PLCD4: variants seen among roughly 807,000 people sequenced by gnomAD.
PLCD4 encodes the protein 1-phosphatidylinositol 4,5-bisphosphate phosphodiesterase delta-4.
Under a neutral mutation model 90.2 loss-of-function variants are expected in PLCD4, and 63 were observed. The ratio of observed to expected loss-of-function variants is 0.70; its 90% CI spans 0.57 to 0.86. The LOEUF is 0.86. PLCD4 is among the 40% of genes least tolerant of loss of function. The probability of loss-of-function intolerance (pLI) is 0.00; values close to 1 mark genes in which losing one functional copy is unlikely to be tolerated. For synonymous variants in PLCD4, 294 were observed against 356.5 expected (o/e 0.82, Z 1.97); for missense variants, 830 against 956.3 (o/e 0.87, Z 1.74).
In PLCD4 at chr2:218,635,860, T is replaced by C; in HGVS notation, c.1961T>C (p.Leu654Pro). Reference sequence around the variant, plus strand: ...AAAGAGGGGTCCATTGTGGATCCACTGGTGAAAGTGCAGATCTTTGGCGTT... The same window carrying C: ...AAAGAGGGGTCCATTGTGGATCCACCGGTGAAAGTGCAGATCTTTGGCGTT... The part of the protein sequence containing the change: ...KTKEGSIVDP[L>P]VKVQIFGVRL... Residue 654 changes from leucine (L) to proline (P), a missense_variant, in exon 14 of 16, where the codon CTG becomes CCG. Transcript: ENST00000450993. The C allele has an allele frequency of 6.2e-7, 1 of 1,613,956 alleles. No homozygotes were observed. Among genetic ancestry groups the C allele is most frequent in the Non-Finnish European group, 8.5e-7 (1 of 1,179,878 alleles).
intron 1 of PLCD4, among the ~76,000 whole-genome samples, chr2:218,612,589 C>T (rs1040957422): frequency 4.6e-5 from 7 of 151,876 alleles, no homozygotes; most frequent in Admixed American, 1.3e-4. Context: ...CTGGCCAACA[C>T]GGCAAAACTC....
chr2:218,626,129 C>T (rs1696105478), intron 6 of PLCD4, among the ~76,000 whole-genome samples: 1 of 151,984 alleles, frequency 6.6e-6, no homozygotes, highest in Admixed American at 6.6e-5. Flanking sequence ...CTTGGTGGCA[C>T]ATTCCTGTAG....
intron 9 of PLCD4, 29 bp from the exon 10 acceptor site, chr2:218,632,107 A>G: frequency 6.3e-7 from 1 of 1,575,802 alleles, no homozygotes; most frequent in South Asian, 1.2e-5. Flanking sequence ...GCAGACAGGT[A>G]GACAGGCCCC....
At position 218,634,328 on chromosome 2, in the gene PLCD4, T is replaced by G; in HGVS notation, c.1723+107T>G. The G allele has an allele frequency of 6.4e-7, 1 of 1,572,092 alleles. No homozygotes were observed. Among genetic ancestry groups the G allele is most frequent in the East Asian group, 2.3e-5 (1 of 43,798 alleles). ...GGAATGCTCAAGAAAATTGCTAGGC[T>G]GAGAAATGCTATCAGTGGATATTAC... On this transcript the variant is annotated intron_variant, in intron 12 of 15. Coordinates refer to ENST00000450993, the MANE Select transcript of PLCD4 (RefSeq NM_032726.4). This position sits in a 1 kb window ranked among gnomAD's most constrained non-coding sequence, Gnocchi z 4.0.
intron 4 of PLCD4, among the ~76,000 whole-genome samples, chr2:218,620,724 A>G (rs1695834182): frequency 6.7e-6 from 1 of 149,410 alleles, no homozygotes; most frequent in South Asian, 2.1e-4. Context: ...TAAAACAAAC[A>G]TACAAATGAA....
rs758156561 is a variant in PLCD4, at chr2:218,634,065, T to G, written c.1607-40T>G. The G allele has an allele frequency of 1.3e-6, 2 of 1,566,642 alleles. No homozygotes were observed. The highest frequency in any genetic ancestry group is 1.7e-6 in the Non-Finnish European group (2 of 1,155,050). Reference sequence around the variant, plus strand: ...CCTTGGGACTAGGGAAGTGGGAGATTCCACCCCACTTCCATCTCCCTCTCT... The same window carrying G: ...CCTTGGGACTAGGGAAGTGGGAGATGCCACCCCACTTCCATCTCCCTCTCT... On this transcript the variant is annotated intron_variant, in intron 11 of 15. Coordinates refer to ENST00000450993, the MANE Select transcript of PLCD4 (RefSeq NM_032726.4). The surrounding 1 kb of genome is among the most constrained non-coding windows in gnomAD (Gnocchi z 4.0).
chr2:218,630,879 CCT>C (rs770596246), intron 9 of PLCD4, 77 bp downstream of exon 9: 149 of 1,420,724 alleles, frequency 1.0e-4, no homozygotes, highest in Non-Finnish European at 1.4e-4. Context: ...CCTCTATGCC[CCT>C]CTTTGTTCCC....
Position 218,636,390 on chromosome 2 carries a change from A to G in PLCD4, c.2180A>G (p.Gln727Arg), listed in dbSNP as rs369625498. Residue 727 changes from glutamine (Q) to arginine (R), a missense_variant and splice_region_variant, in exon 15 of 16, where the codon CAA becomes CGA. Physicochemically the swap from Gln to Arg is conservative, Grantham distance 43. Transcript: ENST00000450993. ...QYTLPWTCMQ[Q>R]GYRHIHLLSK... ...ACCCTGCCTTGGACCTGCATGCAAC[A>G]AGGTGAGCCAGCCCCTTTGGCCCCT... 22 of 1,614,010 alleles carry G rather than the reference A, an allele frequency of 1.4e-5. No individual in the cohort carries two copies. The highest frequency in any genetic ancestry group is 1.8e-5 in the Non-Finnish European group (21 of 1,179,890).
rs7574429 is a variant in PLCD4, at chr2:218,634,036, T to G, written c.1607-69T>G. 0.64 allele frequency: 978,975 copies of G among 1,536,294 alleles called. 316,251 individuals are homozygous for G. Among genetic ancestry groups the G allele is most frequent in the East Asian group, 0.94 (38,471 of 41,018 alleles). On this transcript the variant is annotated intron_variant, in intron 11 of 15. Coordinates refer to ENST00000450993, the MANE Select transcript of PLCD4 (RefSeq NM_032726.4). The surrounding 1 kb of genome is among the most constrained non-coding windows in gnomAD (Gnocchi z 4.0). ...TGGAGAGAAGGGTGAAGAGTAGGCA[T>G]GGTCCTTGGGACTAGGGAAGTGGGA...
intron 5 of PLCD4, 92 bp from the exon 6 acceptor site, chr2:218,622,555 C>T (rs1359562775): frequency 8.0e-6 from 6 of 753,268 alleles, no homozygotes; most frequent in East Asian, 2.8e-5. Context: ...CTACTATGTA[C>T]CCAGAAAAAT....
intron 1 of PLCD4, among the ~76,000 whole-genome samples, chr2:218,612,440 C>T (rs1389808163): frequency 6.6e-6 from 1 of 152,194 alleles, no homozygotes; most frequent in Non-Finnish European, 1.5e-5. Context: ...CTCAACCTTC[C>T]CCTCTCACTC....
intron 1 of PLCD4, among the ~76,000 whole-genome samples, chr2:218,610,575 G>A (rs73077165): frequency 2.6e-5 from 4 of 152,232 alleles, no homozygotes; most frequent in African/African-American, 9.6e-5. Context: ...TCAGAGTACA[G>A]AGGGAACAGA....
chr2:218,634,272 G>C lies in PLCD4; in HGVS notation c.1723+51G>C. On this transcript the variant is annotated intron_variant, in intron 12 of 15. Coordinates refer to ENST00000450993, the MANE Select transcript of PLCD4 (RefSeq NM_032726.4). The surrounding 1 kb of genome is among the most constrained non-coding windows in gnomAD (Gnocchi z 4.0). ...GAGGGAGTGGAGGAGCAGCAGGTGG[G>C]AAATAAGTTCTCTAGTGATGGTAGG... The C allele has an allele frequency of 6.3e-7, 1 of 1,580,006 alleles. No homozygotes were observed. The highest frequency in any genetic ancestry group is 8.6e-7 in the Non-Finnish European group (1 of 1,162,854).
rs759018643 is a variant in PLCD4 at position 218,622,671 on chromosome 2, AC to A, written c.568del (p.Leu190TrpfsTer13). 6.2e-7 allele frequency: 1 copy of A among 1,613,968 alleles called. No individual in the cohort carries two copies. The highest frequency in any genetic ancestry group is 8.5e-7 in the Non-Finnish European group (1 of 1,179,868). On this transcript the variant is annotated frameshift_variant, in exon 6 of 16. Coordinates refer to ENST00000450993, the MANE Select transcript of PLCD4 (RefSeq NM_032726.4). LOFTEE classifies it high-confidence loss of function. ...GGCAGCAGACACGTCCCAGTCTGGA[AC>A]CCTGGAAGGAGAAGAATTCGTACAG... Reference protein sequence around the residue: ...FQAADTSQSGTLEGEEFVQFY... With the variant: ...FQAADTSQSGXLEGEEFVQFY...
At position 218,632,391 on chromosome 2, in the gene PLCD4, C is replaced by T. The variant is rs137923327; in HGVS notation, c.1449+79C>T. 1,296 of 1,424,396 alleles carry T rather than the reference C, an allele frequency of 9.1e-4. 3 individuals carry two copies. Among genetic ancestry groups the T allele is most frequent in the Non-Finnish European group, 1.0e-3 (1,109 of 1,071,402 alleles). 88.2% of individuals were successfully genotyped at this position (1,424,396 alleles called of 1,614,324 possible). ...AAGGCCTGTTCATGAAGACTAGAGC[C>T]GTGCAAGATGCAGGGCCAAGGAGCA... On this transcript the variant is annotated intron_variant, in intron 10 of 15. Transcript: ENST00000450993.
In PLCD4 at chr2:218,622,835, G is replaced by A; in HGVS notation, c.729G>A (p.Glu243=). 1 of 1,614,024 alleles carries A rather than the reference G, an allele frequency of 6.2e-7. No individual in the cohort carries two copies. The highest frequency in any genetic ancestry group is 8.5e-7 in the Non-Finnish European group (1 of 1,179,898). ...AGAAGGAGAGAGACTGCACCTCTGA[G>A]CTTGCTCTGGAACTCATTGACCGCT... is the stretch of plus-strand genomic sequence containing the variant. The part of the protein sequence containing the change: ...EEQKERDCTS[E]LALELIDRYE... The change falls in exon 6 of 16, where the codon GAG becomes GAA. Residue 243 remains glutamate, a synonymous_variant. Transcript: ENST00000450993.
At chr2:218,635,765 A>G (rs372399366) in intron 13 of PLCD4, 31 bp from the exon 14 acceptor site, 4 of 1,603,976 alleles carry the variant, frequency 2.5e-6, no homozygotes, top group Non-Finnish European at 3.4e-6. Flanking sequence ...GCTGAGCAGG[A>G]ACTTGTGAGA....
Position 218,632,129 on chromosome 2 carries a change from C to G in PLCD4, c.1273-7C>G. On this transcript the variant is annotated splice_polypyrimidine_tract_variant and splice_region_variant and intron_variant, in intron 9 of 15. Transcript: ENST00000450993. ...GGTAGACAGGCCCCTTCATTTTTGT[C>G]CCCTAGGAGCTTCGGAGGAAGATCC... is the stretch of plus-strand genomic sequence containing the variant. 2 of 1,597,106 alleles carry G rather than the reference C, an allele frequency of 1.3e-6. No homozygotes were observed. The highest frequency in any genetic ancestry group is 1.7e-6 in the Non-Finnish European group (2 of 1,172,394).
At position 218,633,780 on chromosome 2, in the gene PLCD4, G is replaced by C; in HGVS notation, c.1606+19G>C. The C allele has an allele frequency of 2.5e-6, 4 of 1,613,030 alleles. No individual in the cohort carries two copies. The highest frequency in any genetic ancestry group is 2.2e-5 in the South Asian group (2 of 91,020). ...GAGGCTGGTCAGGACCAAAATGGAGGGATGGGGAGGGAAGTGGGATGGATA... is the reference window on the plus strand; with the variant it reads ...GAGGCTGGTCAGGACCAAAATGGAGCGATGGGGAGGGAAGTGGGATGGATA... On this transcript the variant is annotated intron_variant, in intron 11 of 15. Transcript: ENST00000450993.
Sources: gnomAD v4.1 joint callset for allele counts (sites outside exome capture counted in the v4.1 genomes callset) on GRCh38, gnomAD v4.1.1 for gene constraint, Gnocchi (gnomAD v3.1) non-coding constraint, MANE v1.5 for transcripts, NCBI Gene and HGNC (gene_info 2026-07-23, HGNC 2026-07-21) for gene names.